Variants in ALG1L2 observed in about 807,000 individuals in gnomAD.
ALG1L2 encodes the protein putative glycosyltransferase ALG1L2.
A neutral mutation model predicts 29.0 loss-of-function variants in ALG1L2; 32 were observed. That is an observed-to-expected ratio of 1.10 (90% CI 0.83 to 1.48). ALG1L2 has a LOEUF of 1.48. ALG1L2 is among the 40% of genes most tolerant of loss of function. The probability of loss-of-function intolerance (pLI) is 0.00; values close to 1 mark genes in which losing one functional copy is unlikely to be tolerated. For missense variants in ALG1L2, 318 were observed against 274.1 expected (o/e 1.16, Z -1.13); for synonymous variants, 110 against 109.5 (o/e 1.00, Z -0.03).
intron 1 of ALG1L2, among the ~76,000 whole-genome samples, chr3:130,086,855 C>A (rs78141875): frequency 6.6e-6 from 1 of 151,048 alleles, no homozygotes; most frequent in African/African-American, 2.4e-5. Flanking sequence ...GACTCTCCCA[C>A]ACCCCTCTGG....
chr3:130,094,088 C>T (rs570027263), intron 4 of ALG1L2: 8 of 411,376 alleles, frequency 1.9e-5, no homozygotes, highest in African/African-American at 1.0e-4. Flanking sequence ...CCCCTGTGCA[C>T]AACACAGACA....
chr3:130,086,844 T>A (rs1934899683), intron 1 of ALG1L2, among the ~76,000 whole-genome samples: 1 of 151,026 alleles, frequency 6.6e-6, no homozygotes, highest in Non-Finnish European at 1.5e-5. Context: ...GGGCAGACTC[T>A]GACTCTCCCA....
At position 130,097,207 on chromosome 3, in the gene ALG1L2, G is replaced by A. The variant is rs369951555; in HGVS notation, c.572G>A (p.Arg191His). 141 of 1,611,710 alleles carry A rather than the reference G, an allele frequency of 8.7e-5. No homozygotes were observed. Among genetic ancestry groups the A allele is most frequent in the Admixed American group, 1.2e-4 (7 of 60,016 alleles). Residue 191 changes from arginine to histidine, a missense_variant, in exon 7 of 8, where the codon CGC becomes CAC. By Grantham distance (29) the Arg-to-His change is conservative. Coordinates refer to ENST00000425059, the MANE Select transcript of ALG1L2 (RefSeq NM_001136152.1). ...LHELVKHEENRLVFEDSEELA... is the reference protein window; with the variant it reads ...LHELVKHEENHLVFEDSEELA... The stretch of plus-strand genomic sequence containing the variant: ...GAGCTGGTGAAACATGAAGAAAACC[G>A]CCTGGTCTTTGAGGACTCAGAGGAA...
chr3:130,088,656 G>T (rs1934944827), intron 1 of ALG1L2, among the ~76,000 whole-genome samples: 1 of 152,296 alleles, frequency 6.6e-6, no homozygotes, highest in South Asian at 2.1e-4. Context: ...GATCTCAGGT[G>T]ATCCACGCAC....
chr3:130,092,757 A>G (rs1394991330), intron 3 of ALG1L2, among the ~76,000 whole-genome samples: 1 of 152,190 alleles, frequency 6.6e-6, no homozygotes, highest in Non-Finnish European at 1.5e-5. Context: ...CTGAATGGGC[A>G]TGGTGGCTCA....
chr3:130,098,337 T>G lies in ALG1L2; in HGVS notation c.*82T>G. Reference sequence around the variant, plus strand: ...GATGGGATGAGAGCTGGGTGCAGACTGTGCTCCCTTTGGTTATGGACACAT... The same window carrying G: ...GATGGGATGAGAGCTGGGTGCAGACGGTGCTCCCTTTGGTTATGGACACAT... On this transcript the variant is annotated 3_prime_UTR_variant, in exon 8 of 8. Coordinates refer to ENST00000425059, the MANE Select transcript of ALG1L2 (RefSeq NM_001136152.1). 6.3e-7 allele frequency: 1 copy of G among 1,596,426 alleles called. No homozygotes were observed. The highest frequency in any genetic ancestry group is 1.1e-5 in the South Asian group (1 of 90,988).
rs545558873 is a variant in ALG1L2, at chr3:130,092,263, G to C, written c.253+41G>C. 58 of 1,594,926 alleles carry C rather than the reference G, an allele frequency of 3.6e-5. 1 individual carries two copies. Among genetic ancestry groups the C allele is most frequent in the Non-Finnish European group, 4.6e-5 (54 of 1,172,004 alleles). ...GGGGCACTTGGGGTTGGTGTGAAGG[G>C]CACCTGGCCAACCTGTATTCTCCTC... On this transcript the variant is annotated intron_variant, in intron 3 of 7. Transcript: ENST00000425059.
chr3:130,087,556 T>G (rs1934918673), intron 1 of ALG1L2, among the ~76,000 whole-genome samples: 1 of 147,740 alleles, frequency 6.8e-6, no homozygotes. Context: ...ATTGCCTTGG[T>G]TATATAAGAG....
At chr3:130,095,211 A>G (rs1018837966) in intron 5 of ALG1L2, among the ~76,000 whole-genome samples, 2 of 152,014 alleles carry the variant, frequency 1.3e-5, no homozygotes, top group Non-Finnish European at 2.9e-5. Flanking sequence ...TTGTATTTTT[A>G]GTAGAGACAG....
At position 130,098,211 on chromosome 3, in the gene ALG1L2, T is replaced by G; in HGVS notation, c.616-12T>G. The G allele has an allele frequency of 1.9e-6, 3 of 1,596,398 alleles. No individual in the cohort carries two copies. Among genetic ancestry groups the G allele is most frequent in the Non-Finnish European group, 8.5e-7 (1 of 1,179,756 alleles). Reference sequence around the variant, plus strand: ...GGTGGGGACAGGCAATGAGGTAAGCTCTGCTCTTCAGTATTTTGCAGATGC... The same window carrying G: ...GGTGGGGACAGGCAATGAGGTAAGCGCTGCTCTTCAGTATTTTGCAGATGC... On this transcript the variant is annotated splice_polypyrimidine_tract_variant and intron_variant, in intron 7 of 7. Transcript: ENST00000425059.
At position 130,096,029 on chromosome 3, in the gene ALG1L2, A is replaced by G. The variant is rs760928985; in HGVS notation, c.425-20A>G. ...CGGGGCAGAGACCAGCGCTCTGGCCACACCCCTCTTGCCTAGCAGGGTCGG... is the reference window on the plus strand; with the variant it reads ...CGGGGCAGAGACCAGCGCTCTGGCCGCACCCCTCTTGCCTAGCAGGGTCGG... On this transcript the variant is annotated intron_variant, in intron 5 of 7. Transcript: ENST00000425059. The G allele has an allele frequency of 2.3e-5, 37 of 1,601,324 alleles. No homozygotes were observed. Among genetic ancestry groups the G allele is most frequent in the South Asian group, 6.7e-5 (6 of 89,592 alleles).
intron 1 of ALG1L2, 169 bp from the exon 2 acceptor site, chr3:130,091,092 G>A (rs1238168941): frequency 3.8e-5 from 24 of 638,864 alleles, no homozygotes; most frequent in Admixed American, 1.1e-4. Flanking sequence ...CTTTCATTCG[G>A]TGATTCCTCA....
At chr3:130,096,196 A>G in intron 6 of ALG1L2, 33 bp downstream of exon 6, 2 of 1,605,258 alleles carry the variant, frequency 1.2e-6, no homozygotes, top group Non-Finnish European at 1.7e-6. Context: ...TTCTGGGGAT[A>G]GCTTCACAGA....
At chr3:130,097,365 A>G (rs1472018658) in intron 7 of ALG1L2, 115 bp downstream of exon 7, 5 of 1,468,346 alleles carry the variant, frequency 3.4e-6, no homozygotes, top group Admixed American at 2.4e-5. Context: ...GGTCTGGCGG[A>G]AAAGCTAGGG....
At chr3:130,095,066 G>T (rs974525708) in intron 5 of ALG1L2, among the ~76,000 whole-genome samples, 6 of 152,146 alleles carry the variant, frequency 3.9e-5, no homozygotes, top group Non-Finnish European at 8.8e-5. Flanking sequence ...AGACAGTCTT[G>T]CTCCGTTGCC....
At chr3:130,093,613 A>G (rs1479685927) in intron 4 of ALG1L2, among the ~76,000 whole-genome samples, 3 of 151,992 alleles carry the variant, frequency 2.0e-5, no homozygotes, top group African/African-American at 7.3e-5. Context: ...TAGTAGAAAC[A>G]GGGCTTCACC....
chr3:130,097,333 C>A (rs1935164651), intron 7 of ALG1L2, 83 bp downstream of exon 7: 2 of 1,564,270 alleles, frequency 1.3e-6, no homozygotes, highest in African/African-American at 1.3e-5. Flanking sequence ...CTGTTTCACA[C>A]AGCCAGGGTG....
chr3:130,089,728 C>G (rs954414874), intron 1 of ALG1L2, among the ~76,000 whole-genome samples: 10 of 152,304 alleles, frequency 6.6e-5, no homozygotes, highest in Non-Finnish European at 1.3e-4. Flanking sequence ...TGGCTTATTT[C>G]CTTGATAATT....
At chr3:130,088,975 G>A (rs934197567) in intron 1 of ALG1L2, among the ~76,000 whole-genome samples, 1 of 152,292 alleles carries the variant, frequency 6.6e-6, no homozygotes, top group African/African-American at 2.4e-5. Context: ...TCACAGGATG[G>A]CAGTCTGAAA....
Sources: gnomAD v4.1 joint callset for allele counts (sites outside exome capture counted in the v4.1 genomes callset) on GRCh38, gnomAD v4.1.1 for gene constraint, MANE v1.5 for transcripts, NCBI Gene and HGNC (gene_info 2026-07-23, HGNC 2026-07-21) for gene names.